The following LHPP variants were observed in gnomAD, a reference collection of about 807,000 sequenced individuals.
The protein encoded by LHPP is hLHPP.
In LHPP, 24 loss-of-function variants were observed where a neutral mutation model predicts 30.3. That is an observed-to-expected ratio of 0.79 (90% confidence interval 0.57 to 1.11). The LOEUF is 1.11. LHPP is among the 50% of genes most tolerant of loss of function. The pLI is 0.00. For missense variants in LHPP, 356 were observed against 367.2 expected (o/e 0.97, Z 0.25); for synonymous variants, 150 against 157.1 (o/e 0.95, Z 0.34).
intron 6 of LHPP, among the ~76,000 whole-genome samples, chr10:124,551,070 G>A (rs538762513): frequency 6.6e-6 from 1 of 152,200 alleles, no homozygotes; most frequent in African/African-American, 2.4e-5. Context: ...GGCCATGGGA[G>A]CCACCACCTC....
chr10:124,479,869 A>G (rs555572551), intron 1 of LHPP, among the ~76,000 whole-genome samples: 8 of 152,220 alleles, frequency 5.3e-5, no homozygotes, highest in Non-Finnish European at 8.8e-5. Context: ...TGGGGCCTCC[A>G]TCTTCTCCTT....
intron 6 of LHPP, among the ~76,000 whole-genome samples, chr10:124,522,978 C>T (rs932963114): frequency 1.3e-5 from 2 of 152,168 alleles, no homozygotes; most frequent in African/African-American, 4.8e-5. Flanking sequence ...TGTGGACATG[C>T]CAGAAACCAG....
chr10:124,519,278 C>G (rs937673174), intron 6 of LHPP, among the ~76,000 whole-genome samples: 1 of 152,108 alleles, frequency 6.6e-6, no homozygotes, highest in African/African-American at 2.4e-5. Flanking sequence ...AACAGTTTGC[C>G]GAATCCTTCC....
chr10:124,502,396 G>A (rs530990310), intron 5 of LHPP, among the ~76,000 whole-genome samples: 11 of 150,530 alleles, frequency 7.3e-5, no homozygotes, highest in East Asian at 2.0e-4. Context: ...ACGGAGTCTC[G>A]CTGTGTCACC....
rs920356692 is a variant in LHPP, at chr10:124,485,686, C to T, written c.313+1360C>T. ...TGTGATCTTGGCTTCCTGTGACTTCCGCTTCCCTGGTTCAAGCGATTCTTC... is the reference window on the plus strand; with the variant it reads ...TGTGATCTTGGCTTCCTGTGACTTCTGCTTCCCTGGTTCAAGCGATTCTTC... On this transcript the variant is annotated intron_variant, in intron 2 of 6. Coordinates refer to ENST00000368842, the MANE Select transcript of LHPP (RefSeq NM_022126.4). 7.2e-5 allele frequency among the ~76,000 whole-genome samples: 11 copies of T among 152,072 alleles called. No homozygotes were observed. The East Asian group carries it at 1.4e-3, about 19-fold the overall frequency.
chr10:124,572,290 G>A (rs1948594899), intron 6 of LHPP, among the ~76,000 whole-genome samples: 2 of 152,150 alleles, frequency 1.3e-5, no homozygotes, highest in Non-Finnish European at 2.9e-5. Flanking sequence ...CCGACGGAGT[G>A]GTGGCGGTCA....
chr10:124,573,535 T>G (rs113222620), intron 6 of LHPP, among the ~76,000 whole-genome samples: 9,102 of 152,302 alleles, frequency 0.06, 849 homozygotes, highest in African/African-American at 0.2. Flanking sequence ...GGTCTTGAAC[T>G]CCTGACCTCA....
intron 1 of LHPP, among the ~76,000 whole-genome samples, chr10:124,474,782 T>C (rs917393334): frequency 1.3e-5 from 2 of 152,170 alleles, no homozygotes; most frequent in Admixed American, 1.3e-4. Flanking sequence ...GGCGCTGCTG[T>C]AGCCACTGCT....
At position 124,496,910 on chromosome 10, in the gene LHPP, C is replaced by T. The variant is rs747989464; in HGVS notation, c.468-51C>T. The stretch of plus-strand genomic sequence containing the variant: ...TCAGCTCCCGATACTTAGCATCCTG[C>T]GGTCAGCTCCCCGTGCTCAGCATCC... On this transcript the variant is annotated intron_variant, in intron 3 of 6. Transcript: ENST00000368842. This position sits in a 1 kb window ranked among gnomAD's most constrained non-coding sequence, Gnocchi z 4.3. 25 of 1,521,912 alleles carry T rather than the reference C, an allele frequency of 1.6e-5. No homozygotes were observed. Among genetic ancestry groups the T allele is most frequent in the Middle Eastern group, 1.8e-4 (1 of 5,690 alleles). The allele number at this position is 1,521,912 out of a possible 1,614,324, so 94.3% of individuals were successfully genotyped here. A position where few individuals can be genotyped will look rare whatever the true frequency, so the allele number is the denominator to read the frequency against.
At chr10:124,584,410 G>A (rs947572470) in intron 6 of LHPP, among the ~76,000 whole-genome samples, 1 of 151,904 alleles carries the variant, frequency 6.6e-6, no homozygotes, top group African/African-American at 2.4e-5. Flanking sequence ...TTTCCTCACG[G>A]TTCTGGAGCT....
At chr10:124,522,151 C>T (rs1954626776) in intron 6 of LHPP, among the ~76,000 whole-genome samples, 1 of 152,206 alleles carries the variant, frequency 6.6e-6, no homozygotes, top group African/African-American at 2.4e-5. Flanking sequence ...CTTGGCCCAA[C>T]AGGGCTGCCC....
At chr10:124,466,264 G>C (rs1264901372) in intron 1 of LHPP, among the ~76,000 whole-genome samples, 1 of 152,190 alleles carries the variant, frequency 6.6e-6, no homozygotes, top group East Asian at 1.9e-4. Flanking sequence ...GATGCACGGT[G>C]CGCTGTTTCT....
At chr10:124,562,325 A>ACAAG in intron 6 of LHPP, among the ~76,000 whole-genome samples, 1 of 151,552 alleles carries the variant, frequency 6.6e-6, no homozygotes, top group African/African-American at 2.4e-5. Flanking sequence ...AAACAAACAA[A>ACAAG]CAAATAAATA....
chr10:124,611,470 G>A (rs945321689), intron 6 of LHPP, among the ~76,000 whole-genome samples: 14 of 151,964 alleles, frequency 9.2e-5, no homozygotes, highest in African/African-American at 1.9e-4. Flanking sequence ...GGAAGCGGCC[G>A]TAGCCCCATA....
At position 124,601,391 on chromosome 10, in the gene LHPP, G is replaced by A. The variant is rs1346118569; in HGVS notation, c.717-11873G>A. Among the ~76,000 whole-genome samples, 14 of 152,146 alleles carry A rather than the reference G, an allele frequency of 9.2e-5. No individual in the cohort carries two copies. In the East Asian group the frequency reaches 1.9e-3, roughly 21 times the overall value. ...TGAAAAGTTCTATGTGCGCTTGACCGGGGGGCCTTACGTACGTGAATTGGG... is the reference window on the plus strand; with the variant it reads ...TGAAAAGTTCTATGTGCGCTTGACCAGGGGGCCTTACGTACGTGAATTGGG... On this transcript the variant is annotated intron_variant, in intron 6 of 6. Coordinates refer to ENST00000368842, the MANE Select transcript of LHPP (RefSeq NM_022126.4).
intron 6 of LHPP, among the ~76,000 whole-genome samples, chr10:124,566,787 G>A (rs1015573369): frequency 6.6e-6 from 1 of 152,136 alleles, no homozygotes; most frequent in African/African-American, 2.4e-5. Context: ...TGAGGGGGCA[G>A]CCAGGGCTGG....
chr10:124,557,512 A>G (rs1948323744), intron 6 of LHPP, among the ~76,000 whole-genome samples: 1 of 152,208 alleles, frequency 6.6e-6, no homozygotes. Flanking sequence ...TTATTTGATT[A>G]CTTTTTACCC....
At chr10:124,586,408 C>T (rs914706142) in intron 6 of LHPP, among the ~76,000 whole-genome samples, 1 of 152,222 alleles carries the variant, frequency 6.6e-6, no homozygotes, top group South Asian at 2.1e-4. Context: ...AATAGCCCTG[C>T]CCCAACATGT....
Position 124,596,608 on chromosome 10 carries a change from T to C in LHPP, c.717-16656T>C, listed in dbSNP as rs1484994896. On this transcript the variant is annotated intron_variant, in intron 6 of 6. Transcript: ENST00000368842. This position sits in a 1 kb window ranked among gnomAD's most constrained non-coding sequence, Gnocchi z 4.6. ...CATCTCTAGGTTGGGGCCACTCTTT[T>C]CTTGGAACAAGAGCCCTAAACGTGG... Among the ~76,000 whole-genome samples, 1 of 152,200 alleles carries C rather than the reference T, an allele frequency of 6.6e-6. No homozygotes were observed. Among genetic ancestry groups the C allele is most frequent in the Non-Finnish European group, 1.5e-5 (1 of 68,032 alleles).
Sources: gnomAD v4.1 joint callset for allele counts (sites outside exome capture counted in the v4.1 genomes callset) on GRCh38, gnomAD v4.1.1 for gene constraint, Gnocchi (gnomAD v3.1) non-coding constraint, MANE v1.5 for transcripts, NCBI Gene and HGNC (gene_info 2026-07-23, HGNC 2026-07-21) for gene names.